The following SLC9A6 variants were observed in gnomAD, a reference collection of about 807,000 sequenced individuals.
SLC9A6 encodes the protein solute carrier family 9 member A6.
SLC9A6 carries 6 observed loss-of-function variants against 45.3 expected under a neutral mutation model. That is an observed-to-expected ratio of 0.13 (90% CI 0.07 to 0.26). The LOEUF (loss-of-function observed/expected upper bound fraction) is 0.26, where lower values mean the gene tolerates loss of function less well. SLC9A6 is among the 10% of genes least tolerant of loss of function. The pLI is 1.00. For synonymous variants in SLC9A6, 191 were observed against 187.7 expected (o/e 1.02, Z -0.14); for missense variants, 278 against 503.7 (o/e 0.55, Z 4.29).
intron 13 of SLC9A6, among the ~76,000 whole-genome samples, chrX:136,025,502 G>C (rs988485117): frequency 2.7e-5 from 3 of 112,099 alleles, no homozygotes; most frequent in Non-Finnish European, 5.6e-5. Flanking sequence ...ATCACACTTT[G>C]AATGTTGTTG....
chrX:136,036,762 T>C lies in SLC9A6; in HGVS notation c.1661+3269T>C, dbSNP rs183210212. On this transcript the variant is annotated intron_variant, in intron 16 of 17. Transcript: ENST00000630721. ...CATTTTATTCACCTTTTATGGTTAG[T>C]GTTTTCTGTGTCTTAAGAAATCTTC... Among the ~76,000 whole-genome samples the C allele has an allele frequency of 2.7e-5, 3 of 113,019 alleles. No homozygotes were observed. The Admixed American group carries it at 2.8e-4, about 11-fold the overall frequency.
At position 136,013,424 on chromosome X, in the gene SLC9A6, A is replaced by T; in HGVS notation, c.1067A>T (p.His356Leu). Residue 356 changes from histidine (H) to leucine (L), a missense_variant, in exon 10 of 18, where the codon CAT becomes CTT. By Grantham distance (99) the His-to-Leu change is moderately conservative. Coordinates refer to ENST00000630721, the MANE Select transcript of SLC9A6 (RefSeq NM_001379110.1). ...AATAATTTGTCCACGGAGTCTCAGC[A>T]TAGAACTAAACAGGTAAGAGGAACT... Reference protein sequence around the residue: ...TYNNLSTESQHRTKQLFELLN... With the variant: ...TYNNLSTESQLRTKQLFELLN... The T allele has an allele frequency of 8.4e-7, 1 of 1,189,018 alleles. No individual in the cohort carries two copies. The highest frequency in any genetic ancestry group is 1.1e-6 in the Non-Finnish European group (1 of 875,112).
At chrX:136,039,297 C>CA (rs781946482) in intron 16 of SLC9A6, among the ~76,000 whole-genome samples, 2,341 of 86,233 alleles carry the variant, frequency 0.027, 33 homozygotes, top group African/African-American at 0.054. Flanking sequence ...GACACTGTCT[C>CA]AAAAAAAAAA....
chrX:135,984,838 T>C (rs1281179160), upstream of SLC9A6, among the ~76,000 whole-genome samples: 1 of 111,865 alleles, frequency 8.9e-6, no homozygotes, highest in African/African-American at 3.3e-5. Flanking sequence ...GTAAGGTTGA[T>C]GAGTTTCTGT....
chrX:136,023,176 T>C (rs1556620127), intron 12 of SLC9A6, among the ~76,000 whole-genome samples: 1 of 7,773 alleles, frequency 1.3e-4, no homozygotes, highest in East Asian at 2.1e-3. Context: ...TATATATATA[T>C]ATATATATAT....
chrX:135,989,914 T>C (rs782445368), intron 2 of SLC9A6, among the ~76,000 whole-genome samples: 140 of 111,267 alleles, frequency 1.3e-3, no homozygotes, highest in Non-Finnish European at 2.2e-3. Context: ...TTTTTTGTTT[T>C]TGTTTTTGTT....
intron 11 of SLC9A6, among the ~76,000 whole-genome samples, chrX:136,018,404 A>G (rs2071061570): frequency 8.9e-6 from 1 of 112,368 alleles, no homozygotes; most frequent in Non-Finnish European, 1.9e-5. Flanking sequence ...TACTGTAAGC[A>G]TGGAAAAAAG....
intron 3 of SLC9A6, among the ~76,000 whole-genome samples, chrX:135,996,852 T>C (rs6528328): frequency 0.52 from 55,486 of 106,721 alleles, 12,972 homozygotes; most frequent in East Asian, 0.81. Flanking sequence ...TTGCAAGCTC[T>C]GCCTCCTGGG....
intron 15 of SLC9A6, chrX:136,030,554 C>T (rs1299107768): frequency 2.2e-5 from 4 of 181,533 alleles, no homozygotes; most frequent in Non-Finnish European, 3.1e-5. Context: ...TCCTGTGTAA[C>T]TTTCAAATCG....
At chrX:135,980,907 G>T (rs1227370363), upstream of SLC9A6, among the ~76,000 whole-genome samples, 1 of 111,867 alleles carries the variant, frequency 8.9e-6, no homozygotes, top group African/African-American at 3.3e-5. Flanking sequence ...TCCTGTTTTG[G>T]TTAGGCCTTA....
At chrX:135,998,767 G>A in intron 5 of SLC9A6, 89 bp from the exon 6 acceptor site, 1 of 715,758 alleles carries the variant, frequency 1.4e-6, no homozygotes, top group Non-Finnish European at 2.2e-6. Flanking sequence ...TAGTCACAAA[G>A]TACTACAGTA....
intron 16 of SLC9A6, among the ~76,000 whole-genome samples, chrX:136,035,936 T>C (rs12687473): frequency 0.029 from 3,018 of 104,335 alleles, 42 homozygotes; most frequent in South Asian, 0.11. Flanking sequence ...TTTTTTTTTT[T>C]CTCAATGTAG....
intron 9 of SLC9A6, 147 bp from the exon 10 acceptor site, chrX:136,013,202 T>A (rs1463617754): frequency 1.6e-5 from 11 of 698,043 alleles, no homozygotes; most frequent in East Asian, 6.5e-5. Flanking sequence ...TAAAAAAAAA[T>A]TTTCAGTGGA....
At chrX:135,973,983 G>C, upstream of SLC9A6, 1 of 962,498 alleles carries the variant, frequency 1.0e-6, no homozygotes, top group South Asian at 2.1e-5. Flanking sequence ...ACGGGGAAGC[G>C]AAGAGGAAGG....
upstream of SLC9A6, chrX:135,973,879 G>A (rs782526927): frequency 8.7e-6 from 10 of 1,150,315 alleles, no homozygotes; most frequent in East Asian, 2.7e-4. Context: ...CACGGAAAAA[G>A]GTCCGCGAGA....
Position 135,998,912 on chromosome X carries a change from A to G in SLC9A6, c.581A>G (p.Asp194Gly). 2 of 1,209,329 alleles carry G rather than the reference A, an allele frequency of 1.7e-6. No individual in the cohort carries two copies. The highest frequency in any genetic ancestry group is 3.0e-5 in the East Asian group (1 of 33,819). Residue 194 changes from aspartate to glycine, a missense_variant, in exon 6 of 18, where the codon GAT becomes GGT. Physicochemically the swap from Asp to Gly is moderately conservative, Grantham distance 94. Coordinates refer to ENST00000630721, the MANE Select transcript of SLC9A6 (RefSeq NM_001379110.1). ...LMKVTGQLAG[D>G]FYFTDCLLFG... Reference sequence around the variant, plus strand: ...AAGGTAACGGGACAACTTGCAGGAGATTTTTACTTTACAGATTGCCTACTG... The same window carrying G: ...AAGGTAACGGGACAACTTGCAGGAGGTTTTTACTTTACAGATTGCCTACTG...
chrX:136,005,547 G>A, intron 7 of SLC9A6, among the ~76,000 whole-genome samples: 1 of 111,880 alleles, frequency 8.9e-6, no homozygotes, highest in African/African-American at 3.2e-5. Flanking sequence ...CAGGCGTGGT[G>A]GCACACGCCT....
At chrX:136,030,455 G>C (rs1556620990) in intron 15 of SLC9A6, 1 of 327,162 alleles carries the variant, frequency 3.1e-6, no homozygotes, top group Non-Finnish European at 5.4e-6. Context: ...CTGGGTTTTC[G>C]AGTGACTCCT....
intron 15 of SLC9A6, 127 bp from the exon 16 acceptor site, chrX:136,033,287 A>G (rs1224465617): frequency 4.5e-5 from 19 of 422,997 alleles, no homozygotes; most frequent in African/African-American, 4.0e-4. Flanking sequence ...TTAAATTTCT[A>G]ATGTTACCCT....
Sources: allele counts gnomAD v4.1 joint callset (sites outside exome capture counted in the v4.1 genomes callset), GRCh38; gene constraint gnomAD v4.1.1; transcripts MANE v1.5; gene names NCBI Gene and HGNC (gene_info 2026-07-23, HGNC 2026-07-21).